The following TRHDE variants were observed in gnomAD, a reference collection of about 807,000 sequenced individuals.
The protein encoded by TRHDE is thyrotropin-releasing hormone-degrading ectoenzyme.
A neutral mutation model predicts 125.7 loss-of-function variants in TRHDE; 72 were observed. The observed-to-expected ratio is 0.57, with a 90% confidence interval of 0.47 to 0.70. TRHDE has a LOEUF of 0.70. Ranked by LOEUF, TRHDE falls within the 30% of genes least tolerant of loss-of-function variation. TRHDE has a pLI of 0.00. For missense variants in TRHDE, 1,110 were observed against 1,327.1 expected (o/e 0.84, Z 2.54); for synonymous variants, 509 against 509.1 (o/e 1.00, Z 0.00).
At chr12:72,617,660 A>G (rs1747896341) in intron 12 of TRHDE, among the ~76,000 whole-genome samples, 1 of 152,146 alleles carries the variant, frequency 6.6e-6, no homozygotes, top group African/African-American at 2.4e-5. Flanking sequence ...TGTTATAACA[A>G]AATACCTTAC....
intron 2 of TRHDE, among the ~76,000 whole-genome samples, chr12:72,150,446 G>A (rs1041981910): frequency 9.3e-5 from 14 of 150,782 alleles, no homozygotes; most frequent in African/African-American, 2.0e-4. Flanking sequence ...TGTGCACTAC[G>A]TGCAGGTTAG....
intron 2 of TRHDE, among the ~76,000 whole-genome samples, chr12:72,173,464 A>G (rs915956782): frequency 8.5e-5 from 13 of 152,224 alleles, no homozygotes; most frequent in African/African-American, 3.1e-4. Context: ...TTAAATAAAT[A>G]GGAAAGTACC....
At chr12:72,156,805 C>G (rs746455158) in intron 2 of TRHDE, among the ~76,000 whole-genome samples, 30 of 152,292 alleles carry the variant, frequency 2.0e-4, no homozygotes, top group Non-Finnish European at 2.1e-4. Flanking sequence ...TTGTCTCATA[C>G]CAACCATATT....
chr12:72,532,759 T>C (rs1049095901), intron 6 of TRHDE, among the ~76,000 whole-genome samples: 1 of 150,276 alleles, frequency 6.7e-6, no homozygotes, highest in African/African-American at 2.4e-5. Context: ...TTTCTCTCTC[T>C]TCATAGAATC....
At chr12:72,612,704 T>C (rs1438653877) in intron 12 of TRHDE, among the ~76,000 whole-genome samples, 1 of 152,228 alleles carries the variant, frequency 6.6e-6, no homozygotes, top group African/African-American at 2.4e-5. Flanking sequence ...CTGGTATACA[T>C]TAAGTCCTCA....
Position 72,104,106 on chromosome 12 carries a change from G to A in TRHDE, n.175-1542G>A, listed in dbSNP as rs114861072. ...GATGGAAGTTGACACACACCAAATC[G>A]GTGAAGTCTGAAATATATGGGTGTG... On this transcript the variant is annotated intron_variant and non_coding_transcript_variant, in intron 1 of 4. Coordinates refer to the TRHDE transcript ENST00000548156. Among the ~76,000 whole-genome samples the A allele has an allele frequency of 3.9e-3, 588 of 152,246 alleles. 3 individuals carry two copies. Among genetic ancestry groups the A allele is most frequent in the African/African-American group, 0.013 (537 of 41,552 alleles).
chr12:72,224,166 G>GTATGTATCTATCTATCTATC (rs1406586507), intron 2 of TRHDE, among the ~76,000 whole-genome samples: 4 of 62,980 alleles, frequency 6.4e-5, no homozygotes, highest in East Asian at 3.0e-4. Context: ...ATGTATGTAT[G>GTATGTATCTATCTATCTATC]TATCTATCTA....
chr12:72,639,040 G>A (rs1406703996), intron 15 of TRHDE, among the ~76,000 whole-genome samples: 3 of 150,698 alleles, frequency 2.0e-5, no homozygotes, highest in Non-Finnish European at 4.4e-5. Context: ...TCCTGAATCT[G>A]AATGTTGGCC....
At chr12:72,610,160 T>C (rs1565809182) in intron 12 of TRHDE, among the ~76,000 whole-genome samples, 1 of 152,210 alleles carries the variant, frequency 6.6e-6, no homozygotes, top group African/African-American at 2.4e-5. Flanking sequence ...TATTTATCCG[T>C]GACCTTCCCT....
intron 2 of TRHDE, among the ~76,000 whole-genome samples, chr12:72,347,294 T>G (rs1306800736): frequency 1.3e-5 from 2 of 152,076 alleles, no homozygotes; most frequent in Non-Finnish European, 2.9e-5. Context: ...TAATCAGATT[T>G]TGGGTAGAGA....
At chr12:72,115,667 C>T (rs1161212599) in intron 2 of TRHDE, among the ~76,000 whole-genome samples, 1 of 152,112 alleles carries the variant, frequency 6.6e-6, no homozygotes, top group Non-Finnish European at 1.5e-5. Flanking sequence ...TTCCCACCAA[C>T]AGTGTACAAT....
intron 12 of TRHDE, among the ~76,000 whole-genome samples, chr12:72,577,794 G>A (rs183795141): frequency 6.6e-6 from 1 of 152,096 alleles, no homozygotes; most frequent in Admixed American, 6.5e-5. Context: ...AATTTTGCAT[G>A]CTTTCAATTA....
chr12:72,633,473 C>T lies in TRHDE; in HGVS notation c.2675+11722C>T, dbSNP rs551333208. The stretch of plus-strand genomic sequence containing the variant: ...TTTTGGACTACCTTTTCCTTTGTTT[C>T]GAGATTTTCCTATTTCTTTTGGTTA... On this transcript the variant is annotated intron_variant, in intron 15 of 18. Coordinates refer to ENST00000261180, the MANE Select transcript of TRHDE (RefSeq NM_013381.3). Among the ~76,000 whole-genome samples the T allele has an allele frequency of 2.0e-5, 3 of 152,110 alleles. No homozygotes were observed. In the South Asian group the frequency reaches 6.2e-4, roughly 32 times the overall value.
chr12:72,663,026 T>C (rs1874976371), intron 18 of TRHDE, 26 bp from the exon 19 acceptor site: 2 of 1,592,904 alleles, frequency 1.3e-6, no homozygotes, highest in East Asian at 2.2e-5. Context: ...CAGGCAGATT[T>C]ACCATTTAAA....
At chr12:72,239,231 AT>A (rs139030112) in intron 2 of TRHDE, among the ~76,000 whole-genome samples, 7,734 of 148,318 alleles carry the variant, frequency 0.052, 422 homozygotes, top group African/African-American at 0.14. Flanking sequence ...CCACTTTTTG[AT>A]TTTTTTTTTT....
At chr12:72,432,990 T>C (rs1032369564) in intron 3 of TRHDE, among the ~76,000 whole-genome samples, 38 of 152,276 alleles carry the variant, frequency 2.5e-4, no homozygotes, top group African/African-American at 8.9e-4. Flanking sequence ...AGTTACTACC[T>C]GTGTATTTTT....
rs1323899544 is a variant in TRHDE, at chr12:72,355,943, A to G, written c.1189-22052A>G. ...TGCAGAGAAAAGGGAATGCTTATAC[A>G]GTGTTGATGGGATAACCATTGTAGA... On this transcript the variant is annotated intron_variant, in intron 2 of 18. Coordinates refer to ENST00000261180, the MANE Select transcript of TRHDE (RefSeq NM_013381.3). Among the ~76,000 whole-genome samples the G allele has an allele frequency of 4.0e-5, 6 of 151,712 alleles. No homozygotes were observed. In the East Asian group the frequency reaches 1.2e-3, roughly 30 times the overall value.
intron 2 of TRHDE, among the ~76,000 whole-genome samples, chr12:72,157,053 A>G (rs1053258380): frequency 4.6e-5 from 7 of 152,148 alleles, no homozygotes; most frequent in South Asian, 2.1e-4. Flanking sequence ...AGCCAAGCCA[A>G]TATCTGGGGG....
rs201189024 is a variant in TRHDE at position 72,300,371 on chromosome 12, C to CACACACAT, written c.1188+13424_1188+13425insTACACACA. Among the ~76,000 whole-genome samples the CACACACAT allele has an allele frequency of 9.4e-3, 767 of 82,028 alleles. 10 individuals carry two copies. Among genetic ancestry groups the CACACACAT allele is most frequent in the African/African-American group, 0.028 (715 of 25,514 alleles). 53.8% of individuals were successfully genotyped at this position (82,028 alleles called of 152,430 possible). ...CATATAAAATATATGTGTATACACACACACACACACACACACACACACACA... is the reference window on the plus strand; with the variant it reads ...CATATAAAATATATGTGTATACACACACACACATACACACACACACACACACACACACA... On this transcript the variant is annotated intron_variant, in intron 2 of 18. Transcript: ENST00000261180.
Sources: gnomAD v4.1 joint callset for allele counts (sites outside exome capture counted in the v4.1 genomes callset) on GRCh38, gnomAD v4.1.1 for gene constraint, MANE v1.5 for transcripts, NCBI Gene and HGNC (gene_info 2026-07-23, HGNC 2026-07-21) for gene names.